The following ADGRB3 variants were observed in gnomAD, a reference collection of about 807,000 sequenced individuals.
The protein encoded by ADGRB3 is brain-specific angiogenesis inhibitor 3.
Under a neutral mutation model 193.4 loss-of-function variants are expected in ADGRB3, and 37 were observed. The observed-to-expected ratio is 0.19, with a 90% CI of 0.15 to 0.25. The LOEUF (loss-of-function observed/expected upper bound fraction) is 0.25, where lower values mean the gene tolerates loss of function less well. Among genes scored for constraint, ADGRB3 ranks in the 10% least tolerant of loss-of-function variants. The probability of loss-of-function intolerance (pLI) is 1.00; values close to 1 mark genes in which losing one functional copy is unlikely to be tolerated. For missense variants in ADGRB3, 1,637 were observed against 1,852.9 expected (o/e 0.88, Z 2.14); for synonymous variants, 690 against 644.2 (o/e 1.07, Z -1.08).
chr6:69,117,267 C>T (rs553207128), intron 17 of ADGRB3, among the ~76,000 whole-genome samples: 2 of 152,130 alleles, frequency 1.3e-5, no homozygotes, highest in African/African-American at 4.8e-5. Context: ...AATATAGTTG[C>T]TTGTCAATAG....
chr6:68,812,302 T>C lies in ADGRB3; in HGVS notation c.758-118257T>C, dbSNP rs368810098. On this transcript the variant is annotated intron_variant, in intron 3 of 31. Transcript: ENST00000370598. ...TGGATAATAGAAATATTTACATTAT[T>C]CATTGTGATTAAGGATAGTTTAATA... is the stretch of plus-strand genomic sequence containing the variant. Among the ~76,000 whole-genome samples the C allele has an allele frequency of 4.6e-4, 70 of 151,078 alleles. 1 individual carries two copies. The South Asian group carries it at 0.013, about 29-fold the overall frequency.
At chr6:69,122,956 G>A (rs1303907996) in intron 17 of ADGRB3, among the ~76,000 whole-genome samples, 4 of 150,348 alleles carry the variant, frequency 2.7e-5, no homozygotes, top group Non-Finnish European at 4.4e-5. Flanking sequence ...ATAGATATAT[G>A]TATGTATATA....
intron 13 of ADGRB3, among the ~76,000 whole-genome samples, chr6:69,034,236 A>G (rs1770799097): frequency 6.6e-6 from 1 of 151,768 alleles, no homozygotes; most frequent in African/African-American, 2.4e-5. Context: ...CTACATAGTC[A>G]CCTTTTGCTT....
chr6:68,946,008 G>T (rs780066453), intron 6 of ADGRB3, among the ~76,000 whole-genome samples: 2 of 152,034 alleles, frequency 1.3e-5, no homozygotes, highest in Non-Finnish European at 2.9e-5. Context: ...TGTAAATGTA[G>T]CCTAGCTCAT....
chr6:68,737,149 A>G (rs1765888337), intron 3 of ADGRB3, among the ~76,000 whole-genome samples: 2 of 152,124 alleles, frequency 1.3e-5, no homozygotes, highest in South Asian at 4.1e-4. Context: ...TTGTATATGC[A>G]TCTTAGATTA....
chr6:69,095,017 C>T (rs1008060986), intron 17 of ADGRB3, among the ~76,000 whole-genome samples: 9 of 152,260 alleles, frequency 5.9e-5, no homozygotes, highest in Admixed American at 2.6e-4. Context: ...GACCTTTGTG[C>T]TTTAGGACTT....
intron 20 of ADGRB3, among the ~76,000 whole-genome samples, chr6:69,250,613 G>T (rs1242071562): frequency 6.6e-6 from 1 of 152,208 alleles, no homozygotes; most frequent in Admixed American, 6.5e-5. Context: ...TCATGAGACT[G>T]CAATGAAGAT....
At chr6:68,827,066 C>A (rs962204610) in intron 3 of ADGRB3, among the ~76,000 whole-genome samples, 8 of 152,082 alleles carry the variant, frequency 5.3e-5, no homozygotes, top group African/African-American at 1.2e-4. Flanking sequence ...GACAAGCTCC[C>A]CAAAGTAGTG....
At position 68,687,437 on chromosome 6, in the gene ADGRB3, T is replaced by C. The variant is rs1231498960; in HGVS notation, c.757+48005T>C. ...TTATAATAATTTATTATAACATGTC[T>C]GAACAGGATCTGGTTTGAGGCACCA... is the stretch of plus-strand genomic sequence containing the variant. On this transcript the variant is annotated intron_variant, in intron 3 of 31. Transcript: ENST00000370598. 2.0e-5 allele frequency among the ~76,000 whole-genome samples: 3 copies of C among 152,156 alleles called. 1 individual carries two copies. The South Asian group carries it at 6.2e-4, about 32-fold the overall frequency.
rs541023902 is a variant in ADGRB3 at position 69,233,403 on chromosome 6, A to G, written c.2594A>G (p.Gln865Arg). The G allele has an allele frequency of 6.1e-5, 98 of 1,613,984 alleles. No homozygotes were observed. Among genetic ancestry groups the G allele is most frequent in the Non-Finnish European group, 7.0e-5 (83 of 1,179,992 alleles). The change falls in exon 18 of 32, where the codon CAA becomes CGA. Residue 865 changes from glutamine (Q) to arginine (R), a missense_variant. Physicochemically the swap from Gln to Arg is conservative, Grantham distance 43. This residue lies in a region of ADGRB3 where 641 missense variants were observed against 673.9 expected (regional missense o/e 0.95). Coordinates refer to ENST00000370598, the MANE Select transcript of ADGRB3 (RefSeq NM_001704.3). ...RLSTFAILAQ[Q>R]PREIIMESSG... ...TCTACCTTCGCCATTTTGGCTCAGCAACCTAGAGAAATAGTAAGTAACAAA... is the reference window on the plus strand; with the variant it reads ...TCTACCTTCGCCATTTTGGCTCAGCGACCTAGAGAAATAGTAAGTAACAAA...
chr6:68,841,848 T>C (rs1022209530), intron 3 of ADGRB3, among the ~76,000 whole-genome samples: 2 of 152,006 alleles, frequency 1.3e-5, no homozygotes, highest in African/African-American at 4.8e-5. Flanking sequence ...AATAGAAAGA[T>C]GGTTAACAGA....
At chr6:69,331,515 C>CT in intron 23 of ADGRB3, 2 of 984,918 alleles carry the variant, frequency 2.0e-6, no homozygotes, top group Non-Finnish European at 2.4e-6. Context: ...TCTGATATGT[C>CT]TGTTTTTTTC....
At chr6:69,295,594 C>G (rs1767798874) in intron 20 of ADGRB3, among the ~76,000 whole-genome samples, 1 of 151,988 alleles carries the variant, frequency 6.6e-6, no homozygotes, top group South Asian at 2.1e-4. Flanking sequence ...TACCATAAAC[C>G]CACCCAATAG....
At chr6:69,295,296 T>A (rs1398680099) in intron 20 of ADGRB3, among the ~76,000 whole-genome samples, 1 of 152,234 alleles carries the variant, frequency 6.6e-6, no homozygotes, top group Non-Finnish European at 1.5e-5. Flanking sequence ...ATCATCATAC[T>A]GCCTTCAATT....
At chr6:69,348,800 A>G (rs966011122) in intron 26 of ADGRB3, among the ~76,000 whole-genome samples, 3 of 152,242 alleles carry the variant, frequency 2.0e-5, no homozygotes, top group African/African-American at 7.2e-5. Context: ...TATGTCTTAA[A>G]TAAAGGTTCA....
chr6:69,302,035 A>G (rs577448939), intron 20 of ADGRB3, among the ~76,000 whole-genome samples: 3 of 151,974 alleles, frequency 2.0e-5, no homozygotes, highest in Non-Finnish European at 4.4e-5. Context: ...ATAATAGCAG[A>G]AGCAGCTTCT....
intron 8 of ADGRB3, among the ~76,000 whole-genome samples, chr6:68,967,467 C>A (rs949567694): frequency 2.0e-5 from 3 of 152,042 alleles, no homozygotes; most frequent in African/African-American, 7.2e-5. Flanking sequence ...ATATAGCCCT[C>A]CAAGGCCAAA....
At chr6:68,659,626 A>G (rs1768577330) in intron 3 of ADGRB3, among the ~76,000 whole-genome samples, 1 of 151,032 alleles carries the variant, frequency 6.6e-6, no homozygotes, top group Non-Finnish European at 1.5e-5. Context: ...AATTATTTTT[A>G]TATGTTATCT....
intron 20 of ADGRB3, among the ~76,000 whole-genome samples, chr6:69,260,062 T>G (rs2127272696): frequency 6.6e-6 from 1 of 152,348 alleles, no homozygotes; most frequent in South Asian, 2.1e-4. Flanking sequence ...TATGTGTGTG[T>G]GCACATGTGA....
Sources: allele counts gnomAD v4.1 joint callset (sites outside exome capture counted in the v4.1 genomes callset), GRCh38; gene constraint gnomAD v4.1.1; regional missense constraint gnomAD v4.1.1; transcripts MANE v1.5; gene names NCBI Gene and HGNC (gene_info 2026-07-23, HGNC 2026-07-21).